The following PPIP5K2 variants were observed in gnomAD, a reference collection of about 807,000 sequenced individuals.
PPIP5K2 encodes diphosphoinositol pentakisphosphate kinase 2.
PPIP5K2 carries 105 observed loss-of-function variants against 154.6 expected under a neutral mutation model. That is an observed-to-expected ratio of 0.68 (90% CI 0.58 to 0.80). PPIP5K2 has a LOEUF of 0.80. Among genes scored for constraint, PPIP5K2 ranks in the 30% least tolerant of loss-of-function variants. The pLI, the probability that PPIP5K2 is intolerant of heterozygous loss-of-function variation, is 0.00. For synonymous variants in PPIP5K2, 480 were observed against 490.3 expected (o/e 0.98, Z 0.28); for missense variants, 992 against 1,504.6 (o/e 0.66, Z 5.64).
At chr5:103,174,141 T>G in intron 21 of PPIP5K2, 169 bp downstream of exon 21, 1 of 513,938 alleles carries the variant, frequency 1.9e-6, no homozygotes, top group Non-Finnish European at 3.4e-6. Flanking sequence ...ATTTTAGGGA[T>G]AAAGATGTTC....
rs782029033 is a variant in PPIP5K2, at chr5:103,194,940, A to C, written c.3534A>C (p.Lys1178Asn). The C allele has an allele frequency of 6.2e-7, 1 of 1,613,540 alleles. No homozygotes were observed. The highest frequency in any genetic ancestry group is 8.5e-7 in the Non-Finnish European group (1 of 1,179,640). ...ALRSSPIMRK[K>N]VSLNTYTPAK... ...GTTCCAGTCCAATAATGAGAAAAAA[A>C]GTATCTTTAAATACGTATACACCTG... The change falls in exon 30 of 31, where the codon AAA becomes AAC. Residue 1178 changes from lysine to asparagine, a missense_variant. Physicochemically the swap from Lys to Asn is moderately conservative, Grantham distance 94. Transcript: ENST00000358359.
At chr5:103,201,080 T>A (rs1405938496) in intron 30 of PPIP5K2, among the ~76,000 whole-genome samples, 1 of 152,212 alleles carries the variant, frequency 6.6e-6, no homozygotes, top group African/African-American at 2.4e-5. Context: ...AGGAAATAGA[T>A]GCTTGTAGAG....
chr5:103,183,538 A>G, intron 25 of PPIP5K2, 131 bp downstream of exon 25: 1 of 748,674 alleles, frequency 1.3e-6, no homozygotes, highest in Non-Finnish European at 2.1e-6. Flanking sequence ...TTTTGAGTTC[A>G]TTTAAAAATA....
intron 22 of PPIP5K2, 23 bp from the exon 23 acceptor site, chr5:103,177,841 A>G: frequency 1.2e-6 from 2 of 1,602,902 alleles, no homozygotes; most frequent in Non-Finnish European, 1.7e-6. Flanking sequence ...CTCATTTTGA[A>G]AATGTTCTGT....
chr5:103,184,643 A>G lies in PPIP5K2; in HGVS notation c.3097-29A>G, dbSNP rs369008614. ...ACTTATGAATTTATTTTACTCTTTT[A>G]CTTCATTTATTTTGGATTCCTTATG... On this transcript the variant is annotated intron_variant, in intron 25 of 30. Transcript: ENST00000358359. 4 of 1,550,818 alleles carry G rather than the reference A, an allele frequency of 2.6e-6. No homozygotes were observed. In the African/African-American group the frequency reaches 5.5e-5, roughly 21 times the overall value.
intron 3 of PPIP5K2, among the ~76,000 whole-genome samples, chr5:103,136,290 CA>C (rs1791489340): frequency 6.6e-6 from 1 of 152,060 alleles, no homozygotes; most frequent in African/African-American, 2.4e-5. Flanking sequence ...TTTAAAGGCA[CA>C]TAAGTCTTTG....
chr5:103,154,715 A>G lies in PPIP5K2; in HGVS notation c.1263A>G (p.Lys421=), dbSNP rs114247112. 1,315 of 1,584,038 alleles carry G rather than the reference A, an allele frequency of 8.3e-4. 2 individuals are homozygous for G. The highest frequency in any genetic ancestry group is 1.2e-3 in the Middle Eastern group (7 of 5,952). ...FEKCDGYKSG[K]LKLKKPKQLQ... is the part of the protein sequence containing the mutation. ...AGTGTGATGGATATAAATCAGGGAA[A>G]TTAAAACTCAAAAAACCAAAACAGT... is the stretch of plus-strand genomic sequence containing the variant. Residue 421 remains lysine, a synonymous_variant, in exon 12 of 31, where the codon AAA becomes AAG. Transcript: ENST00000358359.
intron 19 of PPIP5K2, 109 bp from the exon 20 acceptor site, chr5:103,173,046 A>G: frequency 1.1e-6 from 1 of 878,992 alleles, no homozygotes; most frequent in Non-Finnish European, 1.6e-6. Context: ...CAACGTTCAA[A>G]AAAGGCTTGA....
chr5:103,204,720 A>C lies in PPIP5K2; in HGVS notation c.*3086A>C, dbSNP rs1554231735. The C allele has an allele frequency of 1.3e-5, 2 of 152,142 alleles. No homozygotes were observed. The highest frequency in any genetic ancestry group is 6.5e-5 in the Admixed American group (1 of 15,274). The allele number at this position is 152,142 out of a possible 1,614,324, so 9.4% of individuals were successfully genotyped here. On this transcript the variant is annotated 3_prime_UTR_variant, in exon 31 of 31. Coordinates refer to ENST00000358359, the MANE Select transcript of PPIP5K2 (RefSeq NM_001276277.3). The stretch of plus-strand genomic sequence containing the variant: ...GTAGGTACCAAAATATTACTGTGTA[A>C]AGTGTTGTTTATATAGGTCAATTTT...
intron 17 of PPIP5K2, among the ~76,000 whole-genome samples, chr5:103,165,435 A>G (rs1012518376): frequency 1.3e-5 from 2 of 151,576 alleles, no homozygotes; most frequent in Admixed American, 6.6e-5. Flanking sequence ...TGAAAAAACT[A>G]TACACAAATT....
intron 7 of PPIP5K2, among the ~76,000 whole-genome samples, chr5:103,148,486 G>A (rs1453823316): frequency 1.3e-5 from 2 of 151,996 alleles, no homozygotes; most frequent in Non-Finnish European, 2.9e-5. Flanking sequence ...GGTCTTAATC[G>A]CTTTACCTTC....
In PPIP5K2 at chr5:103,147,995, A is replaced by T. The variant is rs561068469; in HGVS notation, c.707A>T (p.Tyr236Phe). Residue 236 changes from tyrosine (Y) to phenylalanine (F), a missense_variant, in exon 7 of 31, where the codon TAT becomes TTT. This residue lies in a region of PPIP5K2 where 51 missense variants were observed against 152.2 expected (regional missense o/e 0.33). Coordinates refer to ENST00000358359, the MANE Select transcript of PPIP5K2 (RefSeq NM_001276277.3). ...GTACGAAAAACAGGCTCATATATATATGAAGAGTTTATGCCCACAGATGGT... is the reference window on the plus strand; with the variant it reads ...GTACGAAAAACAGGCTCATATATATTTGAAGAGTTTATGCCCACAGATGGT... Reference protein sequence around the residue: ...SNVRKTGSYIYEEFMPTDGTD... With the variant: ...SNVRKTGSYIFEEFMPTDGTD... The T allele has an allele frequency of 6.2e-7, 1 of 1,602,066 alleles. No individual in the cohort carries two copies. The highest frequency in any genetic ancestry group is 1.7e-5 in the Admixed American group (1 of 59,352).
Position 103,207,539 on chromosome 5 carries a change from C to T in PPIP5K2, c.*5905C>T, listed in dbSNP as rs1554232350. The T allele has an allele frequency of 6.6e-6, 1 of 151,710 alleles. No homozygotes were observed. Among genetic ancestry groups the T allele is most frequent in the Non-Finnish European group, 1.5e-5 (1 of 67,922 alleles). 9.4% of individuals were successfully genotyped at this position (151,710 alleles called of 1,614,324 possible). A position where few individuals can be genotyped will look rare whatever the true frequency, so the allele number is the denominator to read the frequency against. On this transcript the variant is annotated 3_prime_UTR_variant, in exon 31 of 31. Coordinates refer to ENST00000358359, the MANE Select transcript of PPIP5K2 (RefSeq NM_001276277.3). ...CACTTGTTGTGCTAATGGTTTTTTC[C>T]TTCACTATGATTTTGAATTATATTT...
Position 103,168,131 on chromosome 5 carries a change from G to A in PPIP5K2, c.2122G>A (p.Glu708Lys). ...ELMLRRWSKL[E>K]KDFKTKNGRY... Reference sequence around the variant, plus strand: ...TATGCTACGTAGATGGTCCAAGTTAGAGAAAGACTTTAAAACAAAGAATGG... The same window carrying A: ...TATGCTACGTAGATGGTCCAAGTTAAAGAAAGACTTTAAAACAAAGAATGG... Residue 708 changes from glutamate to lysine, a missense_variant, in exon 19 of 31, where the codon GAG (glutamate) becomes AAG (lysine). By Grantham distance (56) the Glu-to-Lys change is moderately conservative. Around this residue, in one of 9 missense-constraint regions of PPIP5K2, gnomAD observed 157 missense variants for 281.2 expected, o/e 0.56. Coordinates refer to ENST00000358359, the MANE Select transcript of PPIP5K2 (RefSeq NM_001276277.3). 1 of 1,610,486 alleles carries A rather than the reference G, an allele frequency of 6.2e-7. No individual in the cohort carries two copies. The highest frequency in any genetic ancestry group is 8.5e-7 in the Non-Finnish European group (1 of 1,177,602).
At chr5:103,189,396 A>C (rs187078034) in intron 28 of PPIP5K2, among the ~76,000 whole-genome samples, 3 of 152,244 alleles carry the variant, frequency 2.0e-5, no homozygotes, top group East Asian at 3.9e-4. Context: ...CTAGCAGGCA[A>C]ATGAAATAAA....
intron 21 of PPIP5K2, among the ~76,000 whole-genome samples, chr5:103,174,460 G>A (rs1798408717): frequency 6.6e-6 from 1 of 151,972 alleles, no homozygotes; most frequent in African/African-American, 2.4e-5. Context: ...GTCTCATGAG[G>A]TTGTAGTCAG....
At position 103,184,298 on chromosome 5, in the gene PPIP5K2, CTCTG is replaced by C. The variant is rs145946450; in HGVS notation, c.3097-367_3097-364del. On this transcript the variant is annotated intron_variant, in intron 25 of 30. Transcript: ENST00000358359. Reference sequence around the variant, plus strand: ...ATAATTGTATGGTGATCTCAAGAGTCTCTGTCTGTCCTTTCTTTTGTTTGTAGTT... The same window carrying C: ...ATAATTGTATGGTGATCTCAAGAGTCTCTGTCCTTTCTTTTGTTTGTAGTT... 662 of 170,538 alleles carry C rather than the reference CTCTG, an allele frequency of 3.9e-3. 5 individuals carry two copies. Among genetic ancestry groups the C allele is most frequent in the African/African-American group, 0.014 (579 of 41,848 alleles). The allele number at this position is 170,538 out of a possible 1,614,324, so 10.6% of individuals were successfully genotyped here.
chr5:103,174,079 A>C, intron 21 of PPIP5K2, 107 bp downstream of exon 21: 2 of 853,714 alleles, frequency 2.3e-6, no homozygotes, highest in Non-Finnish European at 3.6e-6. Context: ...CTTAAGTTTT[A>C]CTACTTAATG....
Position 103,146,537 on chromosome 5 carries a change from G to T in PPIP5K2, c.498G>T (p.Leu166=), listed in dbSNP as rs1562404987. Residue 166 remains leucine, a synonymous_variant, in exon 6 of 31, where the codon CTG becomes CTT. Transcript: ENST00000358359. The part of the protein sequence containing the change: ...RDPNNPKECN[L]IEGEDHVEVN... ...GTGTTTGTTTTATAGAATGTAATCTGATTGAAGGGGAAGATCATGTAGAAG... is the reference window on the plus strand; with the variant it reads ...GTGTTTGTTTTATAGAATGTAATCTTATTGAAGGGGAAGATCATGTAGAAG... 7 of 1,610,428 alleles carry T rather than the reference G, an allele frequency of 4.3e-6. No individual in the cohort carries two copies. The African/African-American group carries it at 5.3e-5, about 12-fold the overall frequency.
Sources: gnomAD v4.1 joint callset for allele counts (sites outside exome capture counted in the v4.1 genomes callset) on GRCh38, gnomAD v4.1.1 for gene constraint, gnomAD v4.1.1 regional missense constraint, MANE v1.5 for transcripts, NCBI Gene and HGNC (gene_info 2026-07-23, HGNC 2026-07-21) for gene names.